Variants in ZBTB5 observed in about 807,000 individuals in gnomAD.
ZBTB5 encodes zinc finger and BTB domain containing 5, also known as zinc finger and BTB domain-containing protein 5.
In ZBTB5, 15 loss-of-function variants were observed where a neutral mutation model predicts 37.9. The ratio of observed to expected loss-of-function variants is 0.40; its 90% confidence interval spans 0.26 to 0.61. The LOEUF (loss-of-function observed/expected upper bound fraction) is 0.61, where lower values mean the gene tolerates loss of function less well. Among genes scored for constraint, ZBTB5 ranks in the 20% least tolerant of loss-of-function variants. ZBTB5 has a pLI of 0.47. For synonymous variants in ZBTB5, 315 were observed against 312.4 expected, an observed-to-expected ratio of 1.01 and a Z score of -0.09; for missense variants, 708 against 856.8, an observed-to-expected ratio of 0.83 and a Z score of 2.17.
rs1266892293 is a variant in ZBTB5 at position 37,439,442 on chromosome 9, G to A, written c.*1076C>T. On this transcript the variant is annotated 3_prime_UTR_variant, in exon 2 of 2. Transcript: ENST00000307750. Reference sequence around the variant, plus strand: ...GGAGCAACAAATAATAAAATTTAGGGTCTGTACTGTTAAAAGTATAGTATA... The same window carrying A: ...GGAGCAACAAATAATAAAATTTAGGATCTGTACTGTTAAAAGTATAGTATA... 6.6e-6 allele frequency: 1 copy of A among 152,152 alleles called. No homozygotes were observed. Among genetic ancestry groups the A allele is most frequent in the Non-Finnish European group, 1.5e-5 (1 of 68,024 alleles). The allele number at this position is 152,152 out of a possible 1,614,324, so 9.4% of individuals were successfully genotyped here.
At chr9:37,460,110 C>G (rs1169396973) in intron 1 of ZBTB5, among the ~76,000 whole-genome samples, 3 of 152,014 alleles carry the variant, frequency 2.0e-5, no homozygotes, top group Admixed American at 2.0e-4. Context: ...TCCCAAAATG[C>G]TGGGCCTGGC....
At chr9:37,460,176 G>A (rs1190201509) in intron 1 of ZBTB5, among the ~76,000 whole-genome samples, 2 of 150,094 alleles carry the variant, frequency 1.3e-5, no homozygotes, top group African/African-American at 4.9e-5. Context: ...AGTGGCTCAC[G>A]CCTGTAATCC....
At chr9:37,451,653 C>T (rs1824106425) in intron 1 of ZBTB5, among the ~76,000 whole-genome samples, 1 of 150,582 alleles carries the variant, frequency 6.6e-6, no homozygotes, top group South Asian at 2.1e-4. Context: ...CCTGAATAGA[C>T]TATAACGACA....
At chr9:37,462,326 G>A (rs897427793) in intron 1 of ZBTB5, among the ~76,000 whole-genome samples, 1 of 152,042 alleles carries the variant, frequency 6.6e-6, no homozygotes, top group African/African-American at 2.4e-5. Context: ...CAAATGCCTA[G>A]GCAGACAGGG....
chr9:37,447,725 A>G (rs1015335847), intron 1 of ZBTB5, among the ~76,000 whole-genome samples: 9 of 152,220 alleles, frequency 5.9e-5, no homozygotes, highest in African/African-American at 2.4e-5. Context: ...GAGGGGGGCC[A>G]TAAAAGACTG....
At chr9:37,459,357 G>A (rs995812812) in intron 1 of ZBTB5, among the ~76,000 whole-genome samples, 1 of 151,916 alleles carries the variant, frequency 6.6e-6, no homozygotes, top group African/African-American at 2.4e-5. Context: ...CTACTCGGGA[G>A]GCTGAGGCAG....
Position 37,440,287 on chromosome 9 carries a change from C to G in ZBTB5, c.*231G>C. ...CAAACTACTTTCTGACTGCATTACTCAACCCCAAGGAAGCACCTGGTTTCA... is the reference window on the plus strand; with the variant it reads ...CAAACTACTTTCTGACTGCATTACTGAACCCCAAGGAAGCACCTGGTTTCA... On this transcript the variant is annotated 3_prime_UTR_variant, in exon 2 of 2. Coordinates refer to ENST00000307750, the MANE Select transcript of ZBTB5 (RefSeq NM_014872.3). 1 of 519,894 alleles carries G rather than the reference C, an allele frequency of 1.9e-6. No homozygotes were observed. Among genetic ancestry groups the G allele is most frequent in the Non-Finnish European group, 3.4e-6 (1 of 295,396 alleles). 32.2% of individuals were successfully genotyped at this position (519,894 alleles called of 1,614,324 possible). A position where few individuals can be genotyped will look rare whatever the true frequency, so the allele number is the denominator to read the frequency against.
chr9:37,462,681 G>C (rs187807613), intron 1 of ZBTB5, among the ~76,000 whole-genome samples: 118 of 151,276 alleles, frequency 7.8e-4, no homozygotes, highest in African/African-American at 2.8e-3. Flanking sequence ...CTTCCGCCTC[G>C]GCCTCCTGAG....
intron 1 of ZBTB5, among the ~76,000 whole-genome samples, chr9:37,461,231 T>C (rs770059138): frequency 1.4e-4 from 22 of 152,208 alleles, no homozygotes; most frequent in Non-Finnish European, 2.4e-4. Context: ...TTCCTGGTCT[T>C]CCTTCCTCAA....
intron 1 of ZBTB5, among the ~76,000 whole-genome samples, chr9:37,459,910 C>T (rs1163188514): frequency 2.6e-5 from 4 of 151,296 alleles, no homozygotes; most frequent in Admixed American, 6.6e-5. Context: ...CGGGGTTTCA[C>T]CTTGTTAGTC....
At chr9:37,452,605 G>A (rs1233767163) in intron 1 of ZBTB5, among the ~76,000 whole-genome samples, 2 of 152,196 alleles carry the variant, frequency 1.3e-5, no homozygotes, top group Non-Finnish European at 2.9e-5. Context: ...AGGAGAAAAT[G>A]GGAGTAAGGA....
Position 37,441,572 on chromosome 9 carries a change from A to T in ZBTB5, c.980T>A (p.Val327Glu). The T allele has an allele frequency of 6.2e-7, 1 of 1,611,952 alleles. No individual in the cohort carries two copies. The highest frequency in any genetic ancestry group is 8.5e-7 in the Non-Finnish European group (1 of 1,179,662). ...VGLGEKEHMR[V>E]VVKSEPLSSP... ...GCTCAGGGGCTCAGATTTAACCACCACTCTCATGTGCTCCTTCTCACCAAG... is the reference window on the plus strand; with the variant it reads ...GCTCAGGGGCTCAGATTTAACCACCTCTCTCATGTGCTCCTTCTCACCAAG... Residue 327 changes from valine (V) to glutamate (E), a missense_variant, in exon 2 of 2, where the codon GTG (valine) becomes GAG (glutamate). By Grantham distance (121) the Val-to-Glu change is moderately radical (BLOSUM62 -2). This residue lies in a region of ZBTB5 where 639 missense variants were observed against 690.5 expected (regional missense o/e 0.93). Coordinates refer to ENST00000307750, the MANE Select transcript of ZBTB5 (RefSeq NM_014872.3).
intron 1 of ZBTB5, among the ~76,000 whole-genome samples, chr9:37,448,571 AAAC>A (rs1187793977): frequency 6.6e-6 from 1 of 152,188 alleles, no homozygotes; most frequent in East Asian, 1.9e-4. Flanking sequence ...AGAAAGAACC[AAAC>A]AACAGAAGGC....
intron 1 of ZBTB5, among the ~76,000 whole-genome samples, chr9:37,459,191 T>G: frequency 6.6e-6 from 1 of 152,184 alleles, no homozygotes; most frequent in Non-Finnish European, 1.5e-5. Context: ...CAGCCCCTGC[T>G]TCTCAGCCTG....
At chr9:37,450,211 T>C (rs1824077172) in intron 1 of ZBTB5, among the ~76,000 whole-genome samples, 1 of 152,158 alleles carries the variant, frequency 6.6e-6, no homozygotes, top group African/African-American at 2.4e-5. Context: ...TTCTTTGGCC[T>C]ATTAAACCTC....
rs1357857699 is a variant in ZBTB5 at position 37,441,764 on chromosome 9, G to C, written c.788C>G (p.Ser263Cys). ...QEDSAIMFDQSFGTQEDAQVP... is the reference protein window; with the variant it reads ...QEDSAIMFDQCFGTQEDAQVP... ...CTGGGCATCTTCTTGAGTGCCAAAA[G>C]ACTGATCAAACATGATCGCACTATC... is the stretch of plus-strand genomic sequence containing the variant. The change falls in exon 2 of 2, where the codon TCT becomes TGT. Residue 263 changes from serine (S) to cysteine (C), a missense_variant. By Grantham distance (112) the Ser-to-Cys change is moderately radical (BLOSUM62 -1). Around this residue, in one of 3 missense-constraint regions of ZBTB5, gnomAD observed 639 missense variants for 690.5 expected, o/e 0.93. Transcript: ENST00000307750. 6.2e-7 allele frequency: 1 copy of C among 1,614,028 alleles called. No homozygotes were observed.
intron 1 of ZBTB5, among the ~76,000 whole-genome samples, chr9:37,450,421 T>C (rs893998155): frequency 6.6e-6 from 1 of 152,190 alleles, no homozygotes; most frequent in African/African-American, 2.4e-5. Context: ...ACTTTGCGAA[T>C]TGCTGATCTA....
rs1222737560 is a variant in ZBTB5 at position 37,441,135 on chromosome 9, G to T, written c.1417C>A (p.Pro473Thr). 6 of 1,613,840 alleles carry T rather than the reference G, an allele frequency of 3.7e-6. No individual in the cohort carries two copies. The highest frequency in any genetic ancestry group is 4.2e-6 in the Non-Finnish European group (5 of 1,179,974). ...GSHVENPFSE[P>T]ADSHFVRPMQ... ...GGCCTGACGAAGTGGGAGTCTGCAGGTTCACTAAATGGGTTCTCTACATGG... is the reference window on the plus strand; with the variant it reads ...GGCCTGACGAAGTGGGAGTCTGCAGTTTCACTAAATGGGTTCTCTACATGG... The change falls in exon 2 of 2, where the codon CCT becomes ACT. Residue 473 changes from proline (P) to threonine (T), a missense_variant. This residue lies in a region of ZBTB5 where 639 missense variants were observed against 690.5 expected (regional missense o/e 0.93). Coordinates refer to ENST00000307750, the MANE Select transcript of ZBTB5 (RefSeq NM_014872.3).
chr9:37,440,431 A>T lies in ZBTB5; in HGVS notation c.*87T>A. ...TGTTTAAGAGCCACTGGGCAGCTGG[A>T]AGCCTCGAACCCAAAGGCATTAACT... On this transcript the variant is annotated 3_prime_UTR_variant, in exon 2 of 2. Coordinates refer to ENST00000307750, the MANE Select transcript of ZBTB5 (RefSeq NM_014872.3). The T allele has an allele frequency of 8.7e-7, 1 of 1,147,694 alleles. No homozygotes were observed. The highest frequency in any genetic ancestry group is 1.5e-5 in the South Asian group (1 of 67,212). 71.1% of individuals were successfully genotyped at this position (1,147,694 alleles called of 1,614,324 possible).
Sources: allele counts gnomAD v4.1 joint callset (sites outside exome capture counted in the v4.1 genomes callset), GRCh38; gene constraint gnomAD v4.1.1; regional missense constraint gnomAD v4.1.1; transcripts MANE v1.5; gene names NCBI Gene and HGNC (gene_info 2026-07-23, HGNC 2026-07-21).